The following NRG4 variants were observed in gnomAD, a reference collection of about 807,000 sequenced individuals.
NRG4 encodes the protein neuregulin 4.
In NRG4, 10 loss-of-function variants were observed where a neutral mutation model predicts 15.0. The ratio of observed to expected loss-of-function variants is 0.67; its 90% CI spans 0.41 to 1.13. NRG4 has a LOEUF of 1.13. Among genes scored for constraint, NRG4 ranks in the 50% most tolerant of loss-of-function variants. The pLI is 0.00. For synonymous variants in NRG4, 41 were observed against 50.1 expected (o/e 0.82, Z 0.77); for missense variants, 139 against 140.2 (o/e 0.99, Z 0.04).
chr15:76,045,485 T>C (rs1282597213), intron 4 of NRG4, among the ~76,000 whole-genome samples: 1 of 151,138 alleles, frequency 6.6e-6, no homozygotes, highest in East Asian at 1.9e-4. Context: ...CCATGTTTAC[T>C]GCAGCACTAT....
chr15:75,954,265 G>GTT (rs774149763), intron 5 of NRG4, among the ~76,000 whole-genome samples: 53 of 136,020 alleles, frequency 3.9e-4, no homozygotes, highest in African/African-American at 1.0e-3. Flanking sequence ...TTGTTTTTTT[G>GTT]TTTTTTTTTT....
At chr15:76,044,840 CAAAA>C (rs35017424) in intron 4 of NRG4, among the ~76,000 whole-genome samples, 3 of 62,548 alleles carry the variant, frequency 4.8e-5, no homozygotes, top group Admixed American at 1.6e-4. Context: ...GACTCTGTCT[CAAAA>C]AAAAAAAAAA....
downstream of NRG4, chr15:75,938,420 C>G (rs1037789144): frequency 6.6e-6 from 1 of 152,004 alleles, no homozygotes; most frequent in Non-Finnish European, 1.5e-5. Context: ...GAAAATAATG[C>G]GCATTCAAAA....
intron 4 of NRG4, among the ~76,000 whole-genome samples, chr15:75,959,710 AG>A (rs2032423432): frequency 6.6e-6 from 1 of 152,032 alleles, no homozygotes; most frequent in Non-Finnish European, 1.5e-5. Context: ...GATCTTGCCC[AG>A]GCTGGTCTCA....
intron 4 of NRG4, among the ~76,000 whole-genome samples, chr15:76,040,056 AAGAGAG>A (rs113613101): frequency 6.6e-6 from 1 of 151,610 alleles, no homozygotes. Flanking sequence ...AATAAAAAAA[AAGAGAG>A]AGAGAGAGAG....
intron 3 of NRG4, among the ~76,000 whole-genome samples, chr15:75,967,696 A>G (rs1287521210): frequency 6.6e-6 from 1 of 152,046 alleles, no homozygotes. Context: ...TCCTGACCTC[A>G]AGTGATCTGC....
intron 2 of NRG4, among the ~76,000 whole-genome samples, chr15:76,056,569 T>G (rs1417172074): frequency 1.3e-5 from 2 of 152,202 alleles, no homozygotes; most frequent in African/African-American, 4.8e-5. Context: ...GTCACATATA[T>G]TCCATTTTTC....
chr15:76,012,048 T>C (rs2034829067), intron 1 of NRG4: 1 of 152,100 alleles, frequency 6.6e-6, no homozygotes, highest in Admixed American at 6.6e-5. Context: ...AGTTCTGTTC[T>C]ATAAAGAACA....
In NRG4 at chr15:76,000,552, A is replaced by G. The variant is rs926647485; in HGVS notation, c.104+8648T>C. ...AAGGTTATAGAAAAACACGTACCCA[A>G]ATATATTGGTGGGAGTTCAAAATAA... is the stretch of plus-strand genomic sequence containing the variant. On this transcript the variant is annotated intron_variant, in intron 3 of 5. Transcript: ENST00000394907. Among the ~76,000 whole-genome samples the G allele has an allele frequency of 2.3e-4, 35 of 152,322 alleles. 1 individual carries two copies. The highest frequency in any genetic ancestry group is 7.5e-4 in the African/African-American group (31 of 41,568).
chr15:76,009,602 C>T (rs1445376444), intron 2 of NRG4, among the ~76,000 whole-genome samples: 5 of 152,100 alleles, frequency 3.3e-5, no homozygotes, highest in African/African-American at 1.2e-4. Flanking sequence ...TTAGAACAAA[C>T]AGGGCCTTTC....
At chr15:75,983,649 A>G (rs2033687567) in intron 3 of NRG4, among the ~76,000 whole-genome samples, 1 of 152,152 alleles carries the variant, frequency 6.6e-6, no homozygotes, top group African/African-American at 2.4e-5. Flanking sequence ...ACATAACTCA[A>G]TAAGATAGCA....
intron 3 of NRG4, among the ~76,000 whole-genome samples, chr15:76,007,985 G>A (rs2034668450): frequency 1.3e-5 from 2 of 152,280 alleles, no homozygotes; most frequent in Middle Eastern, 6.8e-3. Context: ...TGAGAATTAA[G>A]TGTTGAGCAC....
chr15:76,041,066 A>G (rs1050903065), intron 4 of NRG4, among the ~76,000 whole-genome samples: 1 of 152,232 alleles, frequency 6.6e-6, no homozygotes, highest in Non-Finnish European at 1.5e-5. Flanking sequence ...TAGTTTGTCT[A>G]TGCAATCAGT....
chr15:75,989,289 G>A (rs1307864185), intron 3 of NRG4, among the ~76,000 whole-genome samples: 1 of 151,866 alleles, frequency 6.6e-6, no homozygotes, highest in Admixed American at 6.6e-5. Flanking sequence ...GTTTCCATCT[G>A]GTTTCAGTTT....
chr15:76,001,394 C>T (rs2034412233), intron 3 of NRG4, among the ~76,000 whole-genome samples: 1 of 152,104 alleles, frequency 6.6e-6, no homozygotes, highest in Non-Finnish European at 1.5e-5. Flanking sequence ...ATCATTTCAA[C>T]ATGTAATCAA....
rs771561126 is a variant in NRG4 at position 75,961,931 on chromosome 15, GA to G, written c.147del (p.Leu50SerfsTer22). ...NYTGARCEEV[F>X]LPGSSIQTKS... is the part of the protein sequence containing the mutation. ...TTAGTTTGGATGCTGGAGCCTGGGA[GA>G]AAAACCTCTTCACAACGAGCTCCTG... On this transcript the variant is annotated frameshift_variant, in exon 4 of 6. Coordinates refer to ENST00000394907, the MANE Select transcript of NRG4 (RefSeq NM_138573.4). LOFTEE classifies it high-confidence loss of function. 86 of 1,613,520 alleles carry G rather than the reference GA, an allele frequency of 5.3e-5. No individual in the cohort carries two copies. Among genetic ancestry groups the G allele is most frequent in the Admixed American group, 2.0e-4 (12 of 60,006 alleles).
At chr15:75,948,005 CTTCTACTTGTTGTAAT>C (rs2031638445) in intron 5 of NRG4, among the ~76,000 whole-genome samples, 1 of 152,062 alleles carries the variant, frequency 6.6e-6, no homozygotes, top group South Asian at 2.1e-4. Context: ...GAATTAGGTT[CTTCTACTTGTTGTAAT>C]TGAGTTTTAG....
chr15:76,051,150 C>T (rs1171663339), intron 4 of NRG4, among the ~76,000 whole-genome samples: 3 of 147,856 alleles, frequency 2.0e-5, no homozygotes, highest in Admixed American at 6.7e-5. Context: ...GGACTACAGG[C>T]GCCCGCCACT....
At chr15:76,030,312 A>G (rs1323406175) in intron 5 of NRG4, among the ~76,000 whole-genome samples, 1 of 152,162 alleles carries the variant, frequency 6.6e-6, no homozygotes, top group Non-Finnish European at 1.5e-5. Context: ...AGCTGCAGCC[A>G]TCATGCTACA....
Sources: allele counts gnomAD v4.1 joint callset (sites outside exome capture counted in the v4.1 genomes callset), GRCh38; gene constraint gnomAD v4.1.1; transcripts MANE v1.5; gene names NCBI Gene and HGNC (gene_info 2026-07-23, HGNC 2026-07-21).